GRIA4: variants seen among roughly 807,000 people sequenced by gnomAD.
GRIA4 encodes the protein glutamate ionotropic receptor AMPA type subunit 4.
A neutral mutation model predicts 104.0 loss-of-function variants in GRIA4; 34 were observed. That is an observed-to-expected ratio of 0.33 (90% CI 0.25 to 0.44). The LOEUF (loss-of-function observed/expected upper bound fraction) is 0.44. Among genes scored for constraint, GRIA4 ranks in the 20% least tolerant of loss-of-function variants. The probability of loss-of-function intolerance (pLI) is 1.00; values close to 1 mark genes in which losing one functional copy is unlikely to be tolerated. For synonymous variants in GRIA4, 386 were observed against 381.9 expected, an observed-to-expected ratio of 1.01 and a Z score of -0.13; for missense variants, 750 against 1,096.5, an observed-to-expected ratio of 0.68 and a Z score of 4.46.
At chr11:105,657,415 T>C (rs907805575) in intron 3 of GRIA4, among the ~76,000 whole-genome samples, 1 of 152,056 alleles carries the variant, frequency 6.6e-6, no homozygotes, top group Non-Finnish European at 1.5e-5. Context: ...TAATATATTA[T>C]TCAAAAATAT....
chr11:105,687,061 T>C (rs1463243955), intron 3 of GRIA4, among the ~76,000 whole-genome samples: 1 of 152,204 alleles, frequency 6.6e-6, no homozygotes, highest in East Asian at 1.9e-4. Context: ...AGAAGCTCTT[T>C]AGTTAAGTTA....
At chr11:105,618,858 T>C (rs1294845425) in intron 3 of GRIA4, among the ~76,000 whole-genome samples, 1 of 151,444 alleles carries the variant, frequency 6.6e-6, no homozygotes, top group East Asian at 1.9e-4. Context: ...AGGAAACAGG[T>C]AAAACAAAGA....
chr11:105,945,004 T>C (rs1442441653), intron 14 of GRIA4, among the ~76,000 whole-genome samples: 1 of 152,214 alleles, frequency 6.6e-6, no homozygotes, highest in Non-Finnish European at 1.5e-5. Flanking sequence ...TTATTGTTCA[T>C]ATCAGATTTA....
chr11:105,628,821 T>G (rs1307059735), intron 3 of GRIA4, among the ~76,000 whole-genome samples: 3 of 152,174 alleles, frequency 2.0e-5, no homozygotes, highest in Non-Finnish European at 4.4e-5. Context: ...ACAGAATTGA[T>G]AAAATCACAG....
chr11:105,761,871 T>G (rs142330138), intron 4 of GRIA4, among the ~76,000 whole-genome samples: 29 of 152,356 alleles, frequency 1.9e-4, no homozygotes, highest in East Asian at 1.7e-3. Context: ...TGATACATTC[T>G]TTAAATATTG....
chr11:105,820,277 CACA>C (rs1943530068), intron 4 of GRIA4, among the ~76,000 whole-genome samples: 1 of 152,078 alleles, frequency 6.6e-6, no homozygotes, highest in African/African-American at 2.4e-5. Context: ...AGTAAGATCA[CACA>C]ACTAGTAGGT....
At chr11:105,700,018 A>G (rs915068912) in intron 3 of GRIA4, among the ~76,000 whole-genome samples, 1 of 152,232 alleles carries the variant, frequency 6.6e-6, no homozygotes, top group Non-Finnish European at 1.5e-5. Context: ...GGGGCACTCA[A>G]TAAATATTTG....
intron 13 of GRIA4, among the ~76,000 whole-genome samples, chr11:105,930,706 T>C (rs1947847955): frequency 6.6e-6 from 1 of 152,150 alleles, no homozygotes; most frequent in African/African-American, 2.4e-5. Context: ...GTTAGTTTTG[T>C]TTAACTGTCC....
chr11:105,958,687 T>C (rs1411268157), intron 14 of GRIA4, among the ~76,000 whole-genome samples: 2 of 152,160 alleles, frequency 1.3e-5, no homozygotes, highest in Non-Finnish European at 2.9e-5. Context: ...TCAGAAGGAA[T>C]GGCACCAGCT....
chr11:105,720,546 G>T (rs185680361), intron 3 of GRIA4, among the ~76,000 whole-genome samples: 1 of 152,168 alleles, frequency 6.6e-6, no homozygotes, highest in African/African-American at 2.4e-5. Flanking sequence ...GCTAAAAAGC[G>T]CAATTTATGA....
chr11:105,913,560 A>G (rs2136173209), intron 10 of GRIA4: 1 of 805,252 alleles, frequency 1.2e-6, no homozygotes, highest in Non-Finnish European at 1.5e-6. Flanking sequence ...AAATAACCCA[A>G]AGAAGCCAAA....
chr11:105,662,556 A>G lies in GRIA4; in HGVS notation c.247+50122A>G, dbSNP rs80291465. The stretch of plus-strand genomic sequence containing the variant: ...GAAAAAGGAATCTGTCAAATCAGTA[A>G]GAAGAATCCATAGTGTGCAAGCAAC... On this transcript the variant is annotated intron_variant, in intron 3 of 16. Coordinates refer to ENST00000282499, the MANE Select transcript of GRIA4 (RefSeq NM_000829.4). Among the ~76,000 whole-genome samples the G allele has an allele frequency of 2.8e-3, 433 of 152,022 alleles. 13 individuals carry two copies. In the East Asian group the frequency reaches 0.064, roughly 22 times the overall value.
intron 3 of GRIA4, 126 bp from the exon 4 acceptor site, chr11:105,752,855 T>A: frequency 1.2e-6 from 1 of 850,710 alleles, no homozygotes; most frequent in Non-Finnish European, 1.9e-6. Context: ...ATACTCTTTA[T>A]CTTATACTCC....
intron 4 of GRIA4, among the ~76,000 whole-genome samples, chr11:105,795,220 G>A (rs1206798501): frequency 6.6e-6 from 1 of 152,088 alleles, no homozygotes; most frequent in African/African-American, 2.4e-5. Flanking sequence ...ATGTTTAATA[G>A]GTTAAGGATA....
chr11:105,912,346 T>C, intron 10 of GRIA4: 9 of 975,552 alleles, frequency 9.2e-6, no homozygotes, highest in Non-Finnish European at 1.1e-5. Context: ...AGTGTTTTAA[T>C]GTGCATTATA....
At chr11:105,884,351 A>G (rs558457761) in intron 5 of GRIA4, among the ~76,000 whole-genome samples, 54 of 152,258 alleles carry the variant, frequency 3.5e-4, no homozygotes, top group Non-Finnish European at 5.1e-4. Flanking sequence ...TATTCTTTAC[A>G]GAAGATACTC....
chr11:105,924,691 C>T lies in GRIA4; in HGVS notation c.1769C>T (p.Pro590Leu). Residue 590 changes from proline to leucine, a missense_variant, in exon 12 of 17, where the codon CCC becomes CTC. This residue lies in a region of GRIA4 where 272 missense variants were observed against 524.5 expected (regional missense o/e 0.52). Coordinates refer to ENST00000282499, the MANE Select transcript of GRIA4 (RefSeq NM_000829.4). ...DGKEGPSDQP[P>L]NEFGIFNSLW... ...AAGGAAGGACCCAGCGACCAGCCTC[C>T]CAATGAGTTTGGCATCTTTAACAGC... 6.2e-7 allele frequency: 1 copy of T among 1,612,598 alleles called. No individual in the cohort carries two copies. Among genetic ancestry groups the T allele is most frequent in the Non-Finnish European group, 8.5e-7 (1 of 1,179,004 alleles).
intron 4 of GRIA4, among the ~76,000 whole-genome samples, chr11:105,763,361 T>C (rs1338168871): frequency 6.6e-6 from 1 of 152,202 alleles, no homozygotes; most frequent in Non-Finnish European, 1.5e-5. Flanking sequence ...TTCACTAAGA[T>C]GTCATTAGCG....
chr11:105,653,382 A>T (rs926300635), intron 3 of GRIA4, among the ~76,000 whole-genome samples: 15 of 152,230 alleles, frequency 9.9e-5, no homozygotes, highest in African/African-American at 3.4e-4. Flanking sequence ...CGATCTGATA[A>T]CTCAGAAAGC....
Sources: allele counts gnomAD v4.1 joint callset (sites outside exome capture counted in the v4.1 genomes callset), GRCh38; gene constraint gnomAD v4.1.1; regional missense constraint gnomAD v4.1.1; transcripts MANE v1.5; gene names NCBI Gene and HGNC (gene_info 2026-07-23, HGNC 2026-07-21).